The following CFTR variants were observed in gnomAD, a reference collection of about 807,000 sequenced individuals.
The protein encoded by CFTR is CF transmembrane conductance regulator, also known as cystic fibrosis transmembrane conductance regulator.
In CFTR, 181 loss-of-function variants were observed where a neutral mutation model predicts 171.6. The observed-to-expected ratio is 1.05, with a 90% CI of 0.93 to 1.19. The LOEUF is 1.19. Ranked by LOEUF, CFTR falls within the 50% of genes most tolerant of loss-of-function variation. The probability of loss-of-function intolerance (pLI) is 0.00; values close to 1 mark genes in which losing one functional copy is unlikely to be tolerated. For synonymous variants in CFTR, 583 were observed against 608.0 expected (o/e 0.96, Z 0.60); for missense variants, 1,968 against 1,734.7 (o/e 1.13, Z -2.39).
At chr7:117,531,704 C>T (rs953667033) in intron 4 of CFTR, among the ~76,000 whole-genome samples, 9 of 152,054 alleles carry the variant, frequency 5.9e-5, no homozygotes, top group South Asian at 2.1e-4. Flanking sequence ...ACCAAATTGC[C>T]GAGGCATCAT....
chr7:117,605,336 T>G (rs987911470), intron 17 of CFTR, among the ~76,000 whole-genome samples: 9 of 152,178 alleles, frequency 5.9e-5, no homozygotes, highest in East Asian at 1.9e-4. Context: ...ACAAATATGT[T>G]TAATTAAATA....
At chr7:117,590,220 A>G (rs572672280) in intron 12 of CFTR, 133 bp from the exon 13 acceptor site, 3 of 1,013,258 alleles carry the variant, frequency 3.0e-6, no homozygotes, top group East Asian at 5.3e-5. Flanking sequence ...ACTTTTGAGA[A>G]TAGTGTTATT....
chr7:117,662,243 C>T (rs1262539402), intron 24 of CFTR, among the ~76,000 whole-genome samples: 1 of 152,016 alleles, frequency 6.6e-6, no homozygotes, highest in Non-Finnish European at 1.5e-5. Context: ...GTTTGGCCAC[C>T]CACATTCTAG....
intron 3 of CFTR, 130 bp from the exon 4 acceptor site, chr7:117,530,769 A>C (rs886755903): frequency 1.4e-6 from 1 of 693,330 alleles, no homozygotes; most frequent in Non-Finnish European, 2.6e-6. Flanking sequence ...AGAGTTTCAC[A>C]TATGGTATGA....
At chr7:117,624,946 G>T (rs1792630078) in intron 21 of CFTR, among the ~76,000 whole-genome samples, 1 of 152,112 alleles carries the variant, frequency 6.6e-6, no homozygotes, top group Admixed American at 6.6e-5. Flanking sequence ...CCTTCCAGAG[G>T]TACTGGAGGT....
At chr7:117,573,524 A>C (rs1411904735) in intron 11 of CFTR, among the ~76,000 whole-genome samples, 2 of 152,132 alleles carry the variant, frequency 1.3e-5, no homozygotes, top group African/African-American at 4.8e-5. Context: ...ACAGGTCAAA[A>C]TGCAGATAGA....
intron 9 of CFTR, among the ~76,000 whole-genome samples, chr7:117,544,106 C>G (rs1366221774): frequency 6.6e-6 from 1 of 152,166 alleles, no homozygotes; most frequent in African/African-American, 2.4e-5. Flanking sequence ...GATTTAACCT[C>G]TGCTTATTCG....
intron 23 of CFTR, among the ~76,000 whole-genome samples, chr7:117,644,159 T>G (rs533797144): frequency 6.6e-6 from 1 of 152,268 alleles, no homozygotes; most frequent in African/African-American, 2.4e-5. Context: ...TGGATGATCT[T>G]GATATCGATG....
intron 2 of CFTR, 112 bp from the exon 3 acceptor site, chr7:117,508,922 T>A (rs1156457523): frequency 1.3e-6 from 1 of 762,990 alleles, no homozygotes; most frequent in Non-Finnish European, 2.3e-6. Flanking sequence ...CTATAATACT[T>A]GGGTTAATCT....
Position 117,611,679 on chromosome 7 carries a change from A to C in CFTR, c.3238A>C (p.Lys1080Gln), listed in dbSNP as rs766126240. Residue 1080 changes from lysine (K) to glutamine (Q), a missense_variant, in exon 20 of 27, where the codon AAA becomes CAA. Transcript: ENST00000003084. ...GCCTTACTTTGAAACTCTGTTCCAC[A>C]AAGCTCTGAATTTACATACTGCCAA... The part of the protein sequence containing the change: ...RQPYFETLFH[K>Q]ALNLHTANWF... The C allele has an allele frequency of 7.4e-6, 12 of 1,613,504 alleles. No individual in the cohort carries two copies. The highest frequency in any genetic ancestry group is 1.0e-5 in the Non-Finnish European group (12 of 1,179,748).
At chr7:117,626,986 T>C (rs1045904198) in intron 21 of CFTR, among the ~76,000 whole-genome samples, 2 of 152,126 alleles carry the variant, frequency 1.3e-5, no homozygotes, top group Admixed American at 6.6e-5. Flanking sequence ...AGTGTAATTA[T>C]TTAACTGCAG....
At chr7:117,535,520 A>G in intron 6 of CFTR, 109 bp downstream of exon 6, 1 of 773,596 alleles carries the variant, frequency 1.3e-6, no homozygotes. Flanking sequence ...CTTCAGTGTC[A>G]TTAAATTTTT....
chr7:117,568,574 T>G (rs1382823276), intron 11 of CFTR, among the ~76,000 whole-genome samples: 3 of 152,172 alleles, frequency 2.0e-5, no homozygotes, highest in African/African-American at 7.2e-5. Context: ...TAAAAATAAT[T>G]TAACATTTAT....
At chr7:117,599,299 T>G (rs1792186594) in intron 15 of CFTR, among the ~76,000 whole-genome samples, 1 of 152,116 alleles carries the variant, frequency 6.6e-6, no homozygotes, top group Admixed American at 6.5e-5. Flanking sequence ...GTGGTAGTGA[T>G]TTCTGTAAAT....
intron 20 of CFTR, among the ~76,000 whole-genome samples, chr7:117,612,215 G>A (rs942050059): frequency 3.5e-5 from 5 of 141,736 alleles, no homozygotes; most frequent in African/African-American, 1.1e-4. Context: ...CTAAAGAGGG[G>A]AAATGAAACA....
At chr7:117,523,095 A>C (rs1798709398) in intron 3 of CFTR, among the ~76,000 whole-genome samples, 1 of 152,190 alleles carries the variant, frequency 6.6e-6, no homozygotes, top group South Asian at 2.1e-4. Flanking sequence ...TAATGCTACC[A>C]GTTCTTTGTG....
intron 24 of CFTR, among the ~76,000 whole-genome samples, chr7:117,658,057 A>T (rs1422189180): frequency 6.6e-6 from 1 of 152,090 alleles, no homozygotes; most frequent in Non-Finnish European, 1.5e-5. Flanking sequence ...CTATCATTTG[A>T]TGGAGGAATT....
chr7:117,588,582 T>C (rs1228632919), intron 12 of CFTR, among the ~76,000 whole-genome samples: 1 of 152,138 alleles, frequency 6.6e-6, no homozygotes, highest in Non-Finnish European at 1.5e-5. Flanking sequence ...ATGTTTTGGC[T>C]CCTTTCCCTT....
intron 3 of CFTR, among the ~76,000 whole-genome samples, chr7:117,521,968 A>C (rs1798691905): frequency 6.6e-6 from 1 of 152,148 alleles, no homozygotes; most frequent in South Asian, 2.1e-4. Context: ...AAGAATTTAG[A>C]CTCATCTACA....
Sources: gnomAD v4.1 joint callset for allele counts (sites outside exome capture counted in the v4.1 genomes callset) on GRCh38, gnomAD v4.1.1 for gene constraint, MANE v1.5 for transcripts, NCBI Gene and HGNC (gene_info 2026-07-23, HGNC 2026-07-21) for gene names.